Variants in XRN1 observed in about 807,000 individuals in gnomAD.
XRN1 encodes the protein strand-exchange protein 1 homolog.
A neutral mutation model predicts 222.3 loss-of-function variants in XRN1; 67 were observed. The observed-to-expected ratio is 0.30, with a 90% CI of 0.25 to 0.37. XRN1 has a LOEUF of 0.37. XRN1 is among the 10% of genes least tolerant of loss of function. The pLI, the probability that XRN1 is intolerant of heterozygous loss-of-function variation, is 1.00. For synonymous variants in XRN1, 643 were observed against 652.4 expected, an observed-to-expected ratio of 0.99 and a Z score of 0.22; for missense variants, 1,707 against 2,000.2, an observed-to-expected ratio of 0.85 and a Z score of 2.80.
chr3:142,323,870 T>G (rs1028637852), intron 37 of XRN1, among the ~76,000 whole-genome samples: 2 of 151,994 alleles, frequency 1.3e-5, no homozygotes, highest in African/African-American at 2.4e-5. Flanking sequence ...TTTACTATTT[T>G]TTTTTTGTTT....
intron 15 of XRN1, among the ~76,000 whole-genome samples, chr3:142,412,070 C>T (rs552718435): frequency 4.0e-5 from 6 of 151,894 alleles, no homozygotes; most frequent in African/African-American, 1.5e-4. Flanking sequence ...GTGATCTGCC[C>T]GCCTCAGCCT....
intron 37 of XRN1, among the ~76,000 whole-genome samples, chr3:142,326,270 C>T (rs1051269446): frequency 6.6e-6 from 1 of 151,792 alleles, no homozygotes; most frequent in East Asian, 1.9e-4. Context: ...ATTGATTCTT[C>T]CAATACATGA....
Position 142,402,296 on chromosome 3 carries a change from C to T in XRN1, c.2103+1378G>A, listed in dbSNP as rs552490167. ...CTCCTGGGTTCAAGCAATTCTCCTG[C>T]CTCAGCCTCCCGAGTAGCTGGGATT... On this transcript the variant is annotated intron_variant, in intron 18 of 40. Coordinates refer to ENST00000392981, the MANE Select transcript of XRN1 (RefSeq NM_001282857.2). 1.3e-3 allele frequency among the ~76,000 whole-genome samples: 200 copies of T among 152,184 alleles called. 1 individual carries two copies. The highest frequency in any genetic ancestry group is 4.2e-3 in the Admixed American group (64 of 15,292).
chr3:142,444,945 G>A (rs1446545394), intron 1 of XRN1, among the ~76,000 whole-genome samples: 2 of 151,928 alleles, frequency 1.3e-5, no homozygotes, highest in Non-Finnish European at 2.9e-5. Context: ...ATTTCTATAT[G>A]CTATATGCTA....
chr3:142,388,339 A>G (rs2067586282), intron 20 of XRN1, among the ~76,000 whole-genome samples: 1 of 152,220 alleles, frequency 6.6e-6, no homozygotes, highest in African/African-American at 2.4e-5. Flanking sequence ...AACACACTAT[A>G]TAATACATAT....
chr3:142,336,145 G>A (rs2065846043), intron 33 of XRN1, among the ~76,000 whole-genome samples: 1 of 152,152 alleles, frequency 6.6e-6, no homozygotes, highest in Non-Finnish European at 1.5e-5. Context: ...GCAAATGACA[G>A]GATGTGAAGA....
rs75310708 is a variant in XRN1, at chr3:142,364,246, G to A, written c.3394+801C>T. The stretch of plus-strand genomic sequence containing the variant: ...GTTCTTCCTACTTTTGGGATAGTGA[G>A]ACCAAGAGGTTCGGTGCCTGGGATA... On this transcript the variant is annotated intron_variant, in intron 29 of 40. Transcript: ENST00000392981. Among the ~76,000 whole-genome samples, 1,432 of 152,298 alleles carry A rather than the reference G, an allele frequency of 9.4e-3. 22 individuals are homozygous for A. The highest frequency in any genetic ancestry group is 0.033 in the African/African-American group (1,356 of 41,552).
chr3:142,419,600 G>A (rs931862783), intron 10 of XRN1, among the ~76,000 whole-genome samples: 10 of 152,174 alleles, frequency 6.6e-5, no homozygotes, highest in African/African-American at 2.4e-4. Context: ...CACGAGGTCA[G>A]GAGTTCGAGA....
chr3:142,386,478 G>C (rs1440225987), intron 20 of XRN1, among the ~76,000 whole-genome samples: 1 of 151,956 alleles, frequency 6.6e-6, no homozygotes, highest in Non-Finnish European at 1.5e-5. Flanking sequence ...ACCAATTAAT[G>C]ATAAAAACTC....
At chr3:142,423,963 G>A (rs2069142238) in intron 5 of XRN1, among the ~76,000 whole-genome samples, 1 of 151,926 alleles carries the variant, frequency 6.6e-6, no homozygotes, top group Non-Finnish European at 1.5e-5. Flanking sequence ...GGGGGAACTG[G>A]TTAGAAATTA....
intron 1 of XRN1, among the ~76,000 whole-genome samples, chr3:142,439,565 C>T (rs1350968822): frequency 6.6e-6 from 1 of 152,204 alleles, no homozygotes; most frequent in Non-Finnish European, 1.5e-5. Context: ...CTCCCTGTCA[C>T]CTGACTCCAT....
At chr3:142,427,298 C>A (rs907715130) in intron 2 of XRN1, among the ~76,000 whole-genome samples, 3 of 151,894 alleles carry the variant, frequency 2.0e-5, no homozygotes, top group African/African-American at 7.3e-5. Flanking sequence ...GTACCCACTG[C>A]ACTCCAGGCT....
At chr3:142,395,658 T>C (rs537388911) in intron 20 of XRN1, among the ~76,000 whole-genome samples, 4 of 152,362 alleles carry the variant, frequency 2.6e-5, no homozygotes, top group Admixed American at 1.3e-4. Flanking sequence ...TTCAGCTCCA[T>C]GGCTCAATCA....
intron 21 of XRN1, 145 bp downstream of exon 21, chr3:142,384,378 G>C: frequency 1.9e-6 from 1 of 532,528 alleles, no homozygotes. Context: ...CAAATAATAA[G>C]TTATTTTGTA....
intron 30 of XRN1, among the ~76,000 whole-genome samples, chr3:142,358,054 C>CAACAAAAACAAAAACAAA (rs1035696327): frequency 6.6e-6 from 1 of 151,808 alleles, no homozygotes; most frequent in Non-Finnish European, 1.5e-5. Flanking sequence ...CAAAATACAA[C>CAACAAAAACAAAAACAAA]AACAAAAACA....
At chr3:142,328,763 A>G (rs1577228520) in intron 37 of XRN1, among the ~76,000 whole-genome samples, 3 of 48,350 alleles carry the variant, frequency 6.2e-5, no homozygotes, top group South Asian at 7.7e-4. Context: ...ATATATATAT[A>G]TATATATGTT....
chr3:142,377,433 T>G (rs2067177731), intron 23 of XRN1, among the ~76,000 whole-genome samples: 1 of 152,138 alleles, frequency 6.6e-6, no homozygotes, highest in Non-Finnish European at 1.5e-5. Context: ...GTAGTAGGTC[T>G]CAAATATAAG....
intron 21 of XRN1, among the ~76,000 whole-genome samples, 176 bp downstream of exon 21, chr3:142,384,343 GTGTC>G (rs1233247749): frequency 6.6e-6 from 1 of 150,570 alleles, no homozygotes; most frequent in Non-Finnish European, 1.5e-5. Context: ...TATATACTGA[GTGTC>G]TGAGCATGTA....
intron 32 of XRN1, 107 bp from the exon 33 acceptor site, chr3:142,347,449 GA>G (rs1263035556): frequency 1.4e-6 from 1 of 716,484 alleles, no homozygotes; most frequent in Non-Finnish European, 2.1e-6. Context: ...TAGTTCCTTA[GA>G]AAAAAACTTA....
Sources: allele counts gnomAD v4.1 joint callset (sites outside exome capture counted in the v4.1 genomes callset), GRCh38; gene constraint gnomAD v4.1.1; transcripts MANE v1.5; gene names NCBI Gene and HGNC (gene_info 2026-07-23, HGNC 2026-07-21).